Variants in STARD13 observed in about 807,000 individuals in gnomAD.
The protein encoded by STARD13 is StAR related lipid transfer domain containing 13.
STARD13 carries 62 observed loss-of-function variants against 106.4 expected under a neutral mutation model. The ratio of observed to expected loss-of-function variants is 0.58; its 90% CI spans 0.48 to 0.72. STARD13 has a LOEUF of 0.72. STARD13 is among the 30% of genes least tolerant of loss of function. The pLI is 0.00. For missense variants in STARD13, 1,387 were observed against 1,424.0 expected (o/e 0.97, Z 0.42); for synonymous variants, 565 against 553.0 (o/e 1.02, Z -0.31).
the STARD13 span, among the ~76,000 whole-genome samples, chr13:33,473,196 G>A: frequency 0.014 from 2,190 of 152,310 alleles, 57 homozygotes; most frequent in African/African-American, 0.047. Flanking sequence ...CTGCTTCAGA[G>A]AGATGAATCT....
the STARD13 span, among the ~76,000 whole-genome samples, chr13:33,600,696 C>T: frequency 2.0e-5 from 3 of 152,106 alleles, no homozygotes; most frequent in Non-Finnish European, 4.4e-5. Context: ...TTACCAGAAA[C>T]ATTGTATGGC....
At chr13:33,377,586 C>A in the STARD13 span, among the ~76,000 whole-genome samples, 1 of 150,754 alleles carries the variant, frequency 6.6e-6, no homozygotes, top group African/African-American at 2.4e-5. Flanking sequence ...ATTATTCTCC[C>A]CCACCCCCGC....
At chr13:33,649,024 C>A in the STARD13 span, among the ~76,000 whole-genome samples, 1 of 151,920 alleles carries the variant, frequency 6.6e-6, no homozygotes, top group African/African-American at 2.4e-5. Flanking sequence ...GAACTCCCGA[C>A]CTGAGGTGAT....
At chr13:33,384,675 T>C in the STARD13 span, among the ~76,000 whole-genome samples, 1 of 152,138 alleles carries the variant, frequency 6.6e-6, no homozygotes, top group African/African-American at 2.4e-5. Flanking sequence ...AATGGTTTAG[T>C]TAATGACACC....
the STARD13 span, among the ~76,000 whole-genome samples, chr13:33,521,131 C>G: frequency 9.2e-5 from 14 of 152,122 alleles, no homozygotes; most frequent in Non-Finnish European, 1.5e-5. Context: ...TTGTCAGGAA[C>G]TGAGAGTCAC....
chr13:33,594,157 G>A, the STARD13 span, among the ~76,000 whole-genome samples: 6 of 151,982 alleles, frequency 3.9e-5, no homozygotes, highest in South Asian at 2.1e-4. Context: ...CTCCTGCCTC[G>A]GCCTCCCAAA....
chr13:33,389,424 A>T, the STARD13 span, among the ~76,000 whole-genome samples: 1 of 152,148 alleles, frequency 6.6e-6, no homozygotes, highest in African/African-American at 2.4e-5. Context: ...GGAGGAAAGC[A>T]GAGAAACCTT....
the STARD13 span, among the ~76,000 whole-genome samples, chr13:33,473,002 A>G: frequency 6.6e-6 from 1 of 152,216 alleles, no homozygotes; most frequent in East Asian, 1.9e-4. Context: ...GTAATGCCTC[A>G]TAAACATACA....
the STARD13 span, among the ~76,000 whole-genome samples, chr13:33,406,783 A>AT: frequency 6.6e-6 from 1 of 152,220 alleles, no homozygotes; most frequent in South Asian, 2.1e-4. Context: ...AGACCCATAA[A>AT]GGACCCTTGT....
chr13:33,115,501 G>A (rs1033675241), intron 8 of STARD13, among the ~76,000 whole-genome samples: 33 of 152,134 alleles, frequency 2.2e-4, no homozygotes, highest in African/African-American at 6.8e-4. Context: ...CAGATACAAG[G>A]CTGGCCACCT....
chr13:33,117,115 TC>T (rs1474164385), intron 8 of STARD13, among the ~76,000 whole-genome samples: 1 of 152,156 alleles, frequency 6.6e-6, no homozygotes, highest in Non-Finnish European at 1.5e-5. Context: ...TTAATTTCAT[TC>T]TTTTTTTTCT....
chr13:33,312,832 CA>C (rs1448343735), intron 1 of STARD13, among the ~76,000 whole-genome samples: 1 of 152,126 alleles, frequency 6.6e-6, no homozygotes, highest in East Asian at 1.9e-4. Flanking sequence ...ATCAAAGTAA[CA>C]ACAACATTTG....
chr13:33,500,057 C>T, the STARD13 span, among the ~76,000 whole-genome samples: 6 of 152,008 alleles, frequency 3.9e-5, no homozygotes, highest in Admixed American at 2.6e-4. Flanking sequence ...CACGCTTCCT[C>T]TTCTTACAAA....
chr13:33,142,718 C>T (rs565109115), intron 3 of STARD13, among the ~76,000 whole-genome samples: 4 of 152,324 alleles, frequency 2.6e-5, no homozygotes, highest in Non-Finnish European at 4.4e-5. Flanking sequence ...CTTGACCTTG[C>T]ATCAAGTCTA....
At chr13:33,204,429 C>T (rs563380867) in intron 1 of STARD13, among the ~76,000 whole-genome samples, 2 of 152,288 alleles carry the variant, frequency 1.3e-5, no homozygotes, top group African/African-American at 2.4e-5. Flanking sequence ...AGGAAACAGG[C>T]TAAGCTAATG....
the STARD13 span, among the ~76,000 whole-genome samples, chr13:33,424,331 G>A: frequency 3.3e-5 from 5 of 152,154 alleles, no homozygotes; most frequent in African/African-American, 1.2e-4. Context: ...TACAGAGGTG[G>A]AATTTGGGCT....
chr13:33,587,176 A>G, the STARD13 span, among the ~76,000 whole-genome samples: 1 of 150,308 alleles, frequency 6.7e-6, no homozygotes, highest in Non-Finnish European at 1.5e-5. Context: ...AGATTGTGCC[A>G]TTGCACTCCA....
the STARD13 span, among the ~76,000 whole-genome samples, chr13:33,637,424 G>A: frequency 6.6e-6 from 1 of 152,210 alleles, no homozygotes; most frequent in Non-Finnish European, 1.5e-5. Flanking sequence ...TCTGGCCTAG[G>A]GGGTAAATGA....
the STARD13 span, among the ~76,000 whole-genome samples, chr13:33,422,093 C>T: frequency 1.3e-5 from 2 of 152,030 alleles, no homozygotes; most frequent in African/African-American, 2.4e-5. Context: ...AAGTTCTGGC[C>T]AGGGCAATCA....
Sources: gnomAD v4.1 joint callset for allele counts (sites outside exome capture counted in the v4.1 genomes callset) on GRCh38, gnomAD v4.1.1 for gene constraint, MANE v1.5 for transcripts, NCBI Gene and HGNC (gene_info 2026-07-23, HGNC 2026-07-21) for gene names.